The following MTUS2 variants were observed in gnomAD, a reference collection of about 807,000 sequenced individuals.
The protein encoded by MTUS2 is microtubule associated scaffold protein 2.
In MTUS2, 40 loss-of-function variants were observed where a neutral mutation model predicts 114.1. The ratio of observed to expected loss-of-function variants is 0.35; its 90% CI spans 0.27 to 0.46. MTUS2 has a LOEUF of 0.46. Ranked by LOEUF, MTUS2 falls within the 20% of genes least tolerant of loss-of-function variation. The probability of loss-of-function intolerance (pLI) is 1.00; values close to 1 mark genes in which losing one functional copy is unlikely to be tolerated. For missense variants in MTUS2, 1,679 were observed against 1,705.4 expected (o/e 0.98, Z 0.27); for synonymous variants, 688 against 672.0 (o/e 1.02, Z -0.37).
At chr13:29,027,706 C>A (rs1277175071) in intron 3 of MTUS2, among the ~76,000 whole-genome samples, 1 of 152,156 alleles carries the variant, frequency 6.6e-6, no homozygotes, top group Non-Finnish European at 1.5e-5. Flanking sequence ...CGCCCGCCAC[C>A]GCGCCTGGCT....
At chr13:28,870,536 C>A (rs1877559649) in intron 2 of MTUS2, among the ~76,000 whole-genome samples, 1 of 152,118 alleles carries the variant, frequency 6.6e-6, no homozygotes, top group Non-Finnish European at 1.5e-5. Context: ...TTATGGATAT[C>A]TGTGCTTCTG....
chr13:29,306,781 G>A (rs757139028), intron 6 of MTUS2: 23 of 338,962 alleles, frequency 6.8e-5, no homozygotes, highest in Non-Finnish European at 1.2e-4. Context: ...AGACATCATG[G>A]TGAAGGTGAA....
chr13:28,917,043 C>G (rs925533191), intron 2 of MTUS2, among the ~76,000 whole-genome samples: 7 of 151,800 alleles, frequency 4.6e-5, no homozygotes, highest in Non-Finnish European at 1.0e-4. Context: ...TTTTGTCCTT[C>G]ATTCTGTTGA....
intron 5 of MTUS2, among the ~76,000 whole-genome samples, chr13:29,234,698 T>C (rs1896464739): frequency 7.2e-6 from 1 of 139,794 alleles, no homozygotes; most frequent in Non-Finnish European, 1.5e-5. Context: ...TGGATTAGTC[T>C]GTTTCCCACT....
intron 10 of MTUS2, chr13:29,483,910 GC>G (rs1881393535): frequency 6.6e-6 from 1 of 152,136 alleles, no homozygotes; most frequent in South Asian, 2.1e-4. Flanking sequence ...CCAGCTTCCA[GC>G]CCTAGTTTCT....
intron 2 of MTUS2, among the ~76,000 whole-genome samples, chr13:28,870,240 A>G (rs905613723): frequency 2.0e-5 from 3 of 152,248 alleles, no homozygotes; most frequent in African/African-American, 7.2e-5. Context: ...TATTAGATTG[A>G]AAATTAATGA....
At chr13:29,465,465 G>C (rs1227699483) in intron 9 of MTUS2, among the ~76,000 whole-genome samples, 1 of 152,182 alleles carries the variant, frequency 6.6e-6, no homozygotes, top group Non-Finnish European at 1.5e-5. Flanking sequence ...AAATGCCATA[G>C]CTGGAGGCAT....
At position 29,026,024 on chromosome 13, in the gene MTUS2, T is replaced by A. The variant is rs1566303453; in HGVS notation, c.1326T>A (p.Asn442Lys). 6.2e-7 allele frequency: 1 copy of A among 1,613,948 alleles called. No individual in the cohort carries two copies. Among genetic ancestry groups the A allele is most frequent in the Admixed American group, 1.7e-5 (1 of 60,024 alleles). The change falls in exon 3 of 16, where the codon AAT (asparagine) becomes AAA (lysine). Residue 442 changes from asparagine to lysine, a missense_variant. Coordinates refer to ENST00000612955, the MANE Select transcript of MTUS2 (RefSeq NM_001033602.4). ...ACAGTCATGTGGCTTTTATTCCTAA[T>A]AATCTGACTGACAGCAAGCCCTTGG... Reference protein sequence around the residue: ...PGDSHVAFIPNNLTDSKPLDV... With the variant: ...PGDSHVAFIPKNLTDSKPLDV...
chr13:29,194,454 C>A (rs909737508), intron 5 of MTUS2, among the ~76,000 whole-genome samples: 2 of 151,902 alleles, frequency 1.3e-5, no homozygotes, highest in African/African-American at 4.8e-5. Flanking sequence ...AGACACTTCT[C>A]AAAAGAAGAC....
At chr13:29,308,593 A>G (rs1899595768) in intron 6 of MTUS2, among the ~76,000 whole-genome samples, 1 of 152,206 alleles carries the variant, frequency 6.6e-6, no homozygotes, top group South Asian at 2.1e-4. Context: ...GGCAAAAGAA[A>G]CCATCATCAG....
At chr13:28,978,454 A>G (rs1884215240) in intron 2 of MTUS2, among the ~76,000 whole-genome samples, 1 of 152,228 alleles carries the variant, frequency 6.6e-6, no homozygotes, top group Non-Finnish European at 1.5e-5. Flanking sequence ...CAGGAAGAAG[A>G]ATGAGAAGGG....
intron 5 of MTUS2, among the ~76,000 whole-genome samples, chr13:29,131,698 G>A (rs1354992390): frequency 6.6e-6 from 1 of 152,260 alleles, no homozygotes; most frequent in Non-Finnish European, 1.5e-5. Flanking sequence ...AAGAAGCCTG[G>A]CTTCCTGCTC....
chr13:29,471,302 C>T (rs112853741), intron 9 of MTUS2, among the ~76,000 whole-genome samples: 12 of 152,112 alleles, frequency 7.9e-5, no homozygotes, highest in African/African-American at 2.9e-4. Context: ...AAGATCACAT[C>T]ACTGCACTCC....
chr13:29,463,403 G>A (rs779172464), intron 9 of MTUS2, among the ~76,000 whole-genome samples: 5 of 152,176 alleles, frequency 3.3e-5, no homozygotes, highest in Non-Finnish European at 5.9e-5. Flanking sequence ...TGTGAGAAAT[G>A]GTCATCAAGG....
At chr13:29,136,022 A>G (rs1328658702) in intron 5 of MTUS2, among the ~76,000 whole-genome samples, 1 of 152,242 alleles carries the variant, frequency 6.6e-6, no homozygotes, top group Non-Finnish European at 1.5e-5. Flanking sequence ...CTTAAGTCCC[A>G]TAGAAAACAA....
intron 5 of MTUS2, among the ~76,000 whole-genome samples, chr13:29,276,608 G>T (rs1040985913): frequency 6.6e-6 from 1 of 152,142 alleles, no homozygotes; most frequent in African/African-American, 2.4e-5. Context: ...TTTAAGAATA[G>T]TATAGGGGGC....
intron 5 of MTUS2, among the ~76,000 whole-genome samples, chr13:29,234,924 ATAAT>A (rs1401581323): frequency 6.6e-6 from 1 of 152,062 alleles, no homozygotes; most frequent in Non-Finnish European, 1.5e-5. Context: ...TTATTTGTAA[ATAAT>A]TTAAGTGGGA....
chr13:29,225,331 G>A (rs1386267376), intron 5 of MTUS2, among the ~76,000 whole-genome samples: 1 of 152,200 alleles, frequency 6.6e-6, no homozygotes, highest in Non-Finnish European at 1.5e-5. Context: ...ACATCATAGT[G>A]TGATCATATT....
At chr13:29,320,940 G>T (rs1175367786) in intron 6 of MTUS2, among the ~76,000 whole-genome samples, 1 of 152,198 alleles carries the variant, frequency 6.6e-6, no homozygotes. Flanking sequence ...CTTGTTTCTG[G>T]TTTCAGTGAC....
Sources: allele counts gnomAD v4.1 joint callset (sites outside exome capture counted in the v4.1 genomes callset), GRCh38; gene constraint gnomAD v4.1.1; transcripts MANE v1.5; gene names NCBI Gene and HGNC (gene_info 2026-07-23, HGNC 2026-07-21).